TRIM50: variants seen among roughly 807,000 people sequenced by gnomAD.
The protein encoded by TRIM50 is tripartite motif containing 50, also known as E3 ubiquitin-protein ligase TRIM50.
In TRIM50, 34 loss-of-function variants were observed where a neutral mutation model predicts 44.9. The observed-to-expected ratio is 0.76, with a 90% CI of 0.58 to 1.01. TRIM50 has a LOEUF of 1.01. TRIM50 is among the 50% of genes least tolerant of loss of function. The pLI is 0.00. For missense variants in TRIM50, 633 were observed against 663.7 expected (o/e 0.95, Z 0.51); for synonymous variants, 307 against 291.1 (o/e 1.05, Z -0.56).
Position 73,312,994 on chromosome 7 carries a change from T to G in TRIM50, c.1391A>C (p.Asn464Thr). The G allele has an allele frequency of 2.6e-6, 4 of 1,552,600 alleles. No homozygotes were observed. Among genetic ancestry groups the G allele is most frequent in the Non-Finnish European group, 3.5e-6 (4 of 1,147,694 alleles). The change falls in exon 7 of 7, where the codon AAC (asparagine) becomes ACC (threonine). Residue 464 changes from asparagine to threonine, a missense_variant. Coordinates refer to ENST00000333149, the MANE Select transcript of TRIM50 (RefSeq NM_178125.3). Reference protein sequence around the residue: ...LDTCWHERGSNSLPMVLPPPS... With the variant: ...LDTCWHERGSTSLPMVLPPPS... The stretch of plus-strand genomic sequence containing the variant: ...CGGGGGCAGCACCATGGGCAGCGAG[T>G]TGCTGCCCCTCTCGTGCCAGCAGGT...
intron 6 of TRIM50, chr7:73,315,106 G>T: frequency 3.3e-6 from 1 of 300,300 alleles, no homozygotes; most frequent in South Asian, 3.7e-5. Flanking sequence ...CAACAAATGT[G>T]ATGAGATCCG....
At chr7:73,322,166 G>A (rs1185308047) in intron 2 of TRIM50, among the ~76,000 whole-genome samples, 2 of 152,042 alleles carry the variant, frequency 1.3e-5, no homozygotes, top group South Asian at 2.1e-4. Context: ...TGGCTAACAC[G>A]GTGAAACCCC....
chr7:73,325,155 C>T (rs1319746946), intron 1 of TRIM50, among the ~76,000 whole-genome samples: 2 of 151,946 alleles, frequency 1.3e-5, no homozygotes, highest in African/African-American at 4.8e-5. Flanking sequence ...AGCATGCATC[C>T]GGACCTAGAA....
At position 73,322,225 on chromosome 7, in the gene TRIM50, T is replaced by C. The variant is rs184689304; in HGVS notation, c.400-1983A>G. Among the ~76,000 whole-genome samples, 315 of 152,198 alleles carry C rather than the reference T, an allele frequency of 2.1e-3. 15 individuals are homozygous for C. The East Asian group carries it at 0.056, about 27-fold the overall frequency. ...TTAGCCGGGCATGGTGGTGGGCGCC[T>C]GTAGTCCCAGCTACTTGGGAGGCTG... On this transcript the variant is annotated intron_variant, in intron 2 of 6. Coordinates refer to ENST00000333149, the MANE Select transcript of TRIM50 (RefSeq NM_178125.3).
chr7:73,328,082 T>C lies in TRIM50; in HGVS notation c.-201A>G. The C allele has an allele frequency of 2.0e-6, 2 of 1,008,578 alleles. No individual in the cohort carries two copies. The highest frequency in any genetic ancestry group is 1.5e-6 in the Non-Finnish European group (1 of 673,838). The allele number at this position is 1,008,578 out of a possible 1,614,324, so 62.5% of individuals were successfully genotyped here. A position where few individuals can be genotyped will look rare whatever the true frequency, so the allele number is the denominator to read the frequency against. On this transcript the variant is annotated 5_prime_UTR_variant, in exon 1 of 7. Coordinates refer to ENST00000333149, the MANE Select transcript of TRIM50 (RefSeq NM_178125.3). ...CTACCGCGCGTGCCCCATCATGCTCTGCGCGCTCCCATTACGTGCCGCCAC... is the reference window on the plus strand; with the variant it reads ...CTACCGCGCGTGCCCCATCATGCTCCGCGCGCTCCCATTACGTGCCGCCAC...
In TRIM50 at chr7:73,318,696, A is replaced by G. The variant is rs1804415166; in HGVS notation, c.740T>C (p.Met247Thr). 2 of 1,613,886 alleles carry G rather than the reference A, an allele frequency of 1.2e-6. No individual in the cohort carries two copies. Among genetic ancestry groups the G allele is most frequent in the Non-Finnish European group, 1.7e-6 (2 of 1,179,868 alleles). The change falls in exon 5 of 7, where the codon ATG (methionine) becomes ACG (threonine). Residue 247 changes from methionine to threonine, a missense_variant. By Grantham distance (81) the Met-to-Thr change is moderately conservative (BLOSUM62 -1). Coordinates refer to ENST00000333149, the MANE Select transcript of TRIM50 (RefSeq NM_178125.3). ...TCTCCAAGGTTATTACCTGGAGGCC[A>G]TGGAGTGGAACTTCTGGAAGGCAAG... is the stretch of plus-strand genomic sequence containing the variant. ...HHKFIRKFHS[M>T]ASRAEMPQAR...
At chr7:73,318,622 G>C in intron 5 of TRIM50, 65 bp downstream of exon 5, 1 of 1,612,050 alleles carries the variant, frequency 6.2e-7, no homozygotes, top group Non-Finnish European at 8.5e-7. Context: ...GGAGGAACCA[G>C]TGGAGCTGAG....
intron 1 of TRIM50, among the ~76,000 whole-genome samples, chr7:73,327,496 A>ATCAG (rs1313143509): frequency 6.6e-6 from 1 of 152,112 alleles, no homozygotes; most frequent in African/African-American, 2.4e-5. Flanking sequence ...CAATCAATCA[A>ATCAG]TCAATCAATC....
intron 6 of TRIM50, chr7:73,315,021 C>A: frequency 2.8e-6 from 1 of 360,136 alleles, no homozygotes; most frequent in Non-Finnish European, 5.3e-6. Context: ...GCACCACTGT[C>A]GCCTTCACAC....
rs142216762 is a variant in TRIM50 at position 73,316,504 on chromosome 7, G to A, written c.874+61C>T. 8.5e-5 allele frequency: 136 copies of A among 1,600,674 alleles called. No homozygotes were observed. In the African/African-American group the frequency reaches 1.4e-3, roughly 17 times the overall value. On this transcript the variant is annotated intron_variant, in intron 6 of 6. Transcript: ENST00000333149. ...AGCTTATTATCTCTCTGATACAATC[G>A]ATGAACTGCCACCTGCCCTGGGCGG...
chr7:73,314,213 A>G, intron 6 of TRIM50: 2 of 363,064 alleles, frequency 5.5e-6, no homozygotes, highest in Non-Finnish European at 1.0e-5. Context: ...GAAAAGGCCT[A>G]AGACTTTTGG....
At chr7:73,323,945 T>A (rs1368796444) in intron 2 of TRIM50, among the ~76,000 whole-genome samples, 2 of 151,296 alleles carry the variant, frequency 1.3e-5, no homozygotes, top group African/African-American at 4.9e-5. Context: ...GAGGCTGAGG[T>A]GGGAGGATTG....
intron 1 of TRIM50, among the ~76,000 whole-genome samples, chr7:73,325,904 G>T: frequency 6.7e-6 from 1 of 148,710 alleles, no homozygotes; most frequent in South Asian, 2.3e-4. Context: ...GGGGGGTGGG[G>T]AAAGACAGCT....
At chr7:73,316,996 C>T in intron 5 of TRIM50, 1 of 252,354 alleles carries the variant, frequency 4.0e-6, no homozygotes. Flanking sequence ...GTCAGAAATG[C>T]AGGTTCTTAG....
At chr7:73,324,263 G>A in intron 2 of TRIM50, 126 bp downstream of exon 2, 3 of 1,520,594 alleles carry the variant, frequency 2.0e-6, no homozygotes, top group Non-Finnish European at 2.7e-6. Context: ...GAATGAATGC[G>A]CCAGGGCACA....
intron 6 of TRIM50, chr7:73,314,339 G>A: frequency 2.7e-6 from 1 of 376,116 alleles, no homozygotes; most frequent in South Asian, 2.5e-5. Context: ...ACTGTCTCCT[G>A]CTATTAACCA....
intron 1 of TRIM50, among the ~76,000 whole-genome samples, chr7:73,325,908 G>A (rs1804613887): frequency 6.6e-6 from 1 of 152,124 alleles, no homozygotes; most frequent in Non-Finnish European, 1.5e-5. Flanking sequence ...GGTGGGGAAA[G>A]ACAGCTTGTT....
In TRIM50 at chr7:73,316,630, G is replaced by A. The variant is rs782495345; in HGVS notation, c.809C>T (p.Pro270Leu). The change falls in exon 6 of 7, where the codon CCA becomes CTA. Residue 270 changes from proline to leucine, a missense_variant. Coordinates refer to ENST00000333149, the MANE Select transcript of TRIM50 (RefSeq NM_178125.3). ...EGAFSPISFK[P>L]GLHQADIKLT... ...CTTGATGTCAGCCTGGTGGAGGCCT[G>A]GCTTGAAGGAGATGGGGCTGAATGC... The A allele has an allele frequency of 8.1e-6, 13 of 1,614,140 alleles. No homozygotes were observed. The highest frequency in any genetic ancestry group is 1.1e-5 in the Non-Finnish European group (13 of 1,180,056).
In TRIM50 at chr7:73,327,990, C is replaced by T. The variant is rs1804681928; in HGVS notation, c.-109G>A. The T allele has an allele frequency of 1.7e-6, 1 of 587,600 alleles. No individual in the cohort carries two copies. The highest frequency in any genetic ancestry group is 1.9e-5 in the African/African-American group (1 of 53,650). 36.4% of individuals were successfully genotyped at this position (587,600 alleles called of 1,614,324 possible). ...GCCCCGCGAGCTCCAATTACGTGCC[C>T]CACCTAACCCCCCACGTCCGTGCCT... On this transcript the variant is annotated 5_prime_UTR_variant, in exon 1 of 7. Transcript: ENST00000333149.
Sources: allele counts gnomAD v4.1 joint callset (sites outside exome capture counted in the v4.1 genomes callset), GRCh38; gene constraint gnomAD v4.1.1; transcripts MANE v1.5; gene names NCBI Gene and HGNC (gene_info 2026-07-23, HGNC 2026-07-21).